The following ZFHX3 variants were observed in gnomAD, a reference collection of about 807,000 sequenced individuals.
The protein encoded by ZFHX3 is zinc finger homeobox 3.
A neutral mutation model predicts 279.1 loss-of-function variants in ZFHX3; 42 were observed. That is an observed-to-expected ratio of 0.15 (90% confidence interval 0.12 to 0.19). The LOEUF is 0.19. ZFHX3 is among the 10% of genes least tolerant of loss of function. The pLI is 1.00. For synonymous variants in ZFHX3, 2,293 were observed against 1,957.8 expected (o/e 1.17, Z -4.52); for missense variants, 4,981 against 4,754.0 (o/e 1.05, Z -1.40).
intron 1 of ZFHX3, among the ~76,000 whole-genome samples, chr16:73,796,731 G>A (rs1358129220): frequency 6.6e-6 from 1 of 152,200 alleles, no homozygotes; most frequent in Non-Finnish European, 1.5e-5. Flanking sequence ...GATAATGCAT[G>A]CTTCGGGGAG....
At chr16:72,846,648 G>A (rs1444406203) in intron 4 of ZFHX3, among the ~76,000 whole-genome samples, 2 of 152,274 alleles carry the variant, frequency 1.3e-5, no homozygotes, top group Non-Finnish European at 2.9e-5. Flanking sequence ...AACTGTTTGT[G>A]TGGGGGACAA....
At chr16:73,184,130 T>C (rs1444064092) in intron 5 of ZFHX3, among the ~76,000 whole-genome samples, 1 of 152,114 alleles carries the variant, frequency 6.6e-6, no homozygotes, top group Admixed American at 6.5e-5. Context: ...TTTCGGGTTG[T>C]GACCAGACCC....
At chr16:72,977,101 C>T (rs540845078) in intron 1 of ZFHX3, among the ~76,000 whole-genome samples, 4 of 152,192 alleles carry the variant, frequency 2.6e-5, no homozygotes, top group Non-Finnish European at 5.9e-5. Flanking sequence ...CCTTTGATGT[C>T]GAGTTGACAA....
chr16:73,791,669 C>G (rs1162190238), intron 1 of ZFHX3, among the ~76,000 whole-genome samples: 1 of 150,522 alleles, frequency 6.6e-6, no homozygotes, highest in Admixed American at 6.6e-5. Flanking sequence ...GTGTTCCGTC[C>G]ACCTCGGCCT....
intron 3 of ZFHX3, among the ~76,000 whole-genome samples, chr16:73,325,501 A>G (rs140616118): frequency 6.6e-6 from 1 of 152,254 alleles, no homozygotes; most frequent in East Asian, 1.9e-4. Flanking sequence ...GGCCAGTCCA[A>G]TGACATGGAT....
At chr16:73,876,161 G>T (rs149148367) in intron 1 of ZFHX3, among the ~76,000 whole-genome samples, 27 of 152,140 alleles carry the variant, frequency 1.8e-4, no homozygotes, top group Admixed American at 6.5e-4. Flanking sequence ...TTGTCCACCC[G>T]TTAGTAAAGA....
chr16:73,471,683 G>A (rs949369234), intron 2 of ZFHX3, among the ~76,000 whole-genome samples: 2 of 152,054 alleles, frequency 1.3e-5, no homozygotes, highest in African/African-American at 4.8e-5. Flanking sequence ...ACCCTTTAGG[G>A]GTCAGGATAC....
intron 5 of ZFHX3, among the ~76,000 whole-genome samples, chr16:73,186,546 C>A (rs1230944607): frequency 6.7e-6 from 1 of 149,464 alleles, no homozygotes; most frequent in Non-Finnish European, 1.5e-5. Context: ...TCCCTAGTTT[C>A]CAGGAAAAGT....
At chr16:72,878,749 G>A (rs1157962928) in intron 4 of ZFHX3, among the ~76,000 whole-genome samples, 2 of 152,152 alleles carry the variant, frequency 1.3e-5, no homozygotes, top group Non-Finnish European at 2.9e-5. Flanking sequence ...GACGCAGTGG[G>A]AAGAGCACAG....
At chr16:73,203,965 G>A (rs1319458503) in intron 5 of ZFHX3, among the ~76,000 whole-genome samples, 1 of 152,258 alleles carries the variant, frequency 6.6e-6, no homozygotes, top group South Asian at 2.1e-4. Flanking sequence ...CTGCACTTGA[G>A]TATGTTAAGC....
At chr16:72,925,804 G>A (rs1959420044) in intron 3 of ZFHX3, among the ~76,000 whole-genome samples, 1 of 152,230 alleles carries the variant, frequency 6.6e-6, no homozygotes, top group African/African-American at 2.4e-5. Context: ...ACGGGCACCA[G>A]CCAAGGGTGG....
chr16:73,572,540 CT>C (rs2051752649), intron 2 of ZFHX3, among the ~76,000 whole-genome samples: 2 of 152,192 alleles, frequency 1.3e-5, no homozygotes, highest in Admixed American at 1.3e-4. Context: ...TGTCTTGAGC[CT>C]CCCCTCTCCG....
upstream of ZFHX3, among the ~76,000 whole-genome samples, chr16:73,062,983 C>G (rs574148354): frequency 6.6e-6 from 1 of 152,372 alleles, no homozygotes; most frequent in African/African-American, 2.4e-5. Flanking sequence ...ATCTAAACAT[C>G]CCTCTTCGTT....
intron 1 of ZFHX3, among the ~76,000 whole-genome samples, chr16:73,882,470 T>TC (rs1406316486): frequency 1.3e-5 from 2 of 152,072 alleles, no homozygotes; most frequent in African/African-American, 4.8e-5. Context: ...GTTTTTTTTT[T>TC]CCCATCTCTA....
At chr16:73,876,768 A>C (rs2029961408) in intron 1 of ZFHX3, among the ~76,000 whole-genome samples, 1 of 152,158 alleles carries the variant, frequency 6.6e-6, no homozygotes, top group Admixed American at 6.5e-5. Context: ...TTTCTTAACC[A>C]TGTAAAACAA....
intron 2 of ZFHX3, among the ~76,000 whole-genome samples, chr16:73,613,088 G>C (rs980452801): frequency 3.3e-5 from 5 of 152,178 alleles, no homozygotes; most frequent in Non-Finnish European, 7.3e-5. Context: ...AGATGAAATA[G>C]AAAGCAAGTT....
intron 2 of ZFHX3, among the ~76,000 whole-genome samples, chr16:73,513,728 G>A (rs2019472538): frequency 6.6e-6 from 1 of 152,162 alleles, no homozygotes; most frequent in Non-Finnish European, 1.5e-5. Flanking sequence ...GAAGGAGGAA[G>A]ATTGCAAGAT....
intron 3 of ZFHX3, among the ~76,000 whole-genome samples, chr16:73,393,539 C>T (rs2017063184): frequency 6.6e-6 from 1 of 152,210 alleles, no homozygotes; most frequent in African/African-American, 2.4e-5. Flanking sequence ...GGTATTTGCG[C>T]TGTTCACAAC....
At chr16:73,179,273 C>T (rs1430647265) in intron 5 of ZFHX3, among the ~76,000 whole-genome samples, 1 of 152,142 alleles carries the variant, frequency 6.6e-6, no homozygotes, top group African/African-American at 2.4e-5. Flanking sequence ...AGATCCTGTC[C>T]TCTGACATCA....
Sources: allele counts gnomAD v4.1 joint callset (sites outside exome capture counted in the v4.1 genomes callset), GRCh38; gene constraint gnomAD v4.1.1; transcripts MANE v1.5; gene names NCBI Gene and HGNC (gene_info 2026-07-23, HGNC 2026-07-21).